The following CELSR1 variants were observed in gnomAD, a reference collection of about 807,000 sequenced individuals.
CELSR1 encodes the protein cadherin EGF LAG seven-pass G-type receptor 1, also known as adhesion G protein-coupled receptor C1.
Under a neutral mutation model 249.1 loss-of-function variants are expected in CELSR1, and 110 were observed. The ratio of observed to expected loss-of-function variants is 0.44; its 90% CI spans 0.38 to 0.52. The LOEUF is 0.52. Ranked by LOEUF, CELSR1 falls within the 20% of genes least tolerant of loss-of-function variation. The probability of loss-of-function intolerance (pLI) is 0.00; values close to 1 mark genes in which losing one functional copy is unlikely to be tolerated. For missense variants in CELSR1, 4,109 were observed against 4,296.4 expected, an observed-to-expected ratio of 0.96 and a Z score of 1.22; for synonymous variants, 2,113 against 1,900.0, an observed-to-expected ratio of 1.11 and a Z score of -2.92.
rs867139423 is a variant in CELSR1 at position 46,404,000 on chromosome 22, A to G, written c.5227-4098T>C. Reference sequence around the variant, plus strand: ...AAAAAAAAAAAAAAAAGAAAAAAAGAAAAAAAAAACTGACTAGATCTGGGC... The same window carrying G: ...AAAAAAAAAAAAAAAAGAAAAAAAGGAAAAAAAAACTGACTAGATCTGGGC... On this transcript the variant is annotated intron_variant, in intron 9 of 34. Coordinates refer to ENST00000674500, the MANE Select transcript of CELSR1 (RefSeq NM_001378328.1). 6.7e-5 allele frequency among the ~76,000 whole-genome samples: 10 copies of G among 148,786 alleles called. No homozygotes were observed. In the South Asian group the frequency reaches 2.2e-3, roughly 33 times the overall value.
rs141507168 is a variant in CELSR1 at position 46,385,117 on chromosome 22, C to T, written c.6740-431G>A. Among the ~76,000 whole-genome samples, 29 of 149,790 alleles carry T rather than the reference C, an allele frequency of 1.9e-4. 1 individual carries two copies. The East Asian group carries it at 5.8e-3, about 30-fold the overall frequency. ...TATTTACTTATATTTATTTTTGAGA[C>T]AGGATCTCACTCTATCACCCAGGCT... On this transcript the variant is annotated intron_variant, in intron 19 of 34. Transcript: ENST00000674500.
intron 1 of CELSR1, among the ~76,000 whole-genome samples, chr22:46,515,574 G>T (rs2080618410): frequency 6.6e-6 from 1 of 152,296 alleles, no homozygotes; most frequent in African/African-American, 2.4e-5. Flanking sequence ...GCACCCCGGG[G>T]GCTGGAGGTG....
rs2079616703 is a variant in CELSR1, at chr22:46,433,247, C to T, written c.4611+146G>A. On this transcript the variant is annotated intron_variant, in intron 5 of 34. Coordinates refer to ENST00000674500, the MANE Select transcript of CELSR1 (RefSeq NM_001378328.1). The surrounding 1 kb of genome is among the most constrained non-coding windows in gnomAD (Gnocchi z 5.7). Reference sequence around the variant, plus strand: ...ACAGGGTTTCGCCACGTTGGCCAAGCTGGTCTCGAGCTCCTGACCTCAGGT... The same window carrying T: ...ACAGGGTTTCGCCACGTTGGCCAAGTTGGTCTCGAGCTCCTGACCTCAGGT... The T allele has an allele frequency of 1.7e-6, 1 of 573,728 alleles. No homozygotes were observed. The highest frequency in any genetic ancestry group is 3.0e-6 in the Non-Finnish European group (1 of 327,918). 35.5% of individuals were successfully genotyped at this position (573,728 alleles called of 1,614,324 possible).
At chr22:46,421,752 C>T (rs1033921052) in intron 5 of CELSR1, among the ~76,000 whole-genome samples, 3 of 152,244 alleles carry the variant, frequency 2.0e-5, no homozygotes, top group Non-Finnish European at 2.9e-5. Context: ...AGGCAGTGGC[C>T]GCCGACTTCA....
Position 46,471,742 on chromosome 22 carries a change from C to T in CELSR1, c.3545-7397G>A, listed in dbSNP as rs1180459679. On this transcript the variant is annotated intron_variant, in intron 1 of 34. Transcript: ENST00000674500. This position sits in a 1 kb window ranked among gnomAD's most constrained non-coding sequence, Gnocchi z 4.9. ...GGAGCCAGTATTGATAGGTTATTAA[C>T]TGAAGCCTGTTCTCTCTGCAGATTT... Among the ~76,000 whole-genome samples, 1 of 152,154 alleles carries T rather than the reference C, an allele frequency of 6.6e-6. No homozygotes were observed. Among genetic ancestry groups the T allele is most frequent in the African/African-American group, 2.4e-5 (1 of 41,448 alleles).
chr22:46,535,856 G>C lies in CELSR1; in HGVS notation c.1315C>G (p.Leu439Val). The part of the protein sequence containing the change: ...ANDQGRNPGP[L>V]SATATVYIEV... Reference sequence around the variant, plus strand: ...ATGTACACGGTGGCCGTGGCACTGAGCGGGCCCGGATTGCGCCCCTGGTCG... The same window carrying C: ...ATGTACACGGTGGCCGTGGCACTGACCGGGCCCGGATTGCGCCCCTGGTCG... The change falls in exon 1 of 35, where the codon CTC becomes GTC. Residue 439 changes from leucine to valine, a missense_variant. Transcript: ENST00000674500. 6.2e-7 allele frequency: 1 copy of C among 1,611,252 alleles called. No homozygotes were observed. The highest frequency in any genetic ancestry group is 8.5e-7 in the Non-Finnish European group (1 of 1,179,898).
Position 46,410,378 on chromosome 22 carries a change from G to A in CELSR1, c.4933+20C>T, listed in dbSNP as rs550043932. 3.9e-5 allele frequency: 62 copies of A among 1,604,770 alleles called. No homozygotes were observed. In the Admixed American group the frequency reaches 9.0e-4, roughly 23 times the overall value. On this transcript the variant is annotated intron_variant, in intron 7 of 34. Coordinates refer to ENST00000674500, the MANE Select transcript of CELSR1 (RefSeq NM_001378328.1). The surrounding 1 kb of genome is among the most constrained non-coding windows in gnomAD (Gnocchi z 6.8). Reference sequence around the variant, plus strand: ...CAGATGCCACTGCGGCAGCTCCGACGCCCTGACGGCCACCCGTACCTTCCC... The same window carrying A: ...CAGATGCCACTGCGGCAGCTCCGACACCCTGACGGCCACCCGTACCTTCCC...
In CELSR1 at chr22:46,436,346, C is replaced by A; in HGVS notation, c.4407-57G>T. 7.3e-7 allele frequency: 1 copy of A among 1,376,484 alleles called. No individual in the cohort carries two copies. Among genetic ancestry groups the A allele is most frequent in the Non-Finnish European group, 1.0e-6 (1 of 971,786 alleles). 85.3% of individuals were successfully genotyped at this position (1,376,484 alleles called of 1,614,324 possible). A position where few individuals can be genotyped will look rare whatever the true frequency, so the allele number is the denominator to read the frequency against. On this transcript the variant is annotated intron_variant, in intron 3 of 34. Transcript: ENST00000674500. This position sits in a 1 kb window ranked among gnomAD's most constrained non-coding sequence, Gnocchi z 5.9. ...TGAAGACCCCAGGGTCCAAAGGCTG[C>A]CTAGGAATGACAAGTCCAGCCGGAG...
intron 2 of CELSR1, among the ~76,000 whole-genome samples, chr22:46,457,637 C>T (rs752390950): frequency 6.6e-6 from 1 of 152,224 alleles, no homozygotes; most frequent in Non-Finnish European, 1.5e-5. Flanking sequence ...CCGCTCACAG[C>T]GCGGACAGAG....
intron 33 of CELSR1, 97 bp from the exon 34 acceptor site, chr22:46,364,348 T>TC (rs1172696662): frequency 2.0e-6 from 3 of 1,537,576 alleles, no homozygotes; most frequent in African/African-American, 1.4e-5. Flanking sequence ...CCCCTGTCCT[T>TC]CCTCCTGGTT....
chr22:46,365,213 TG>T lies in CELSR1; in HGVS notation c.8554+17del. The T allele has an allele frequency of 6.2e-7, 1 of 1,608,416 alleles. No individual in the cohort carries two copies. The highest frequency in any genetic ancestry group is 8.5e-7 in the Non-Finnish European group (1 of 1,178,834). On this transcript the variant is annotated intron_variant, in intron 32 of 34. Coordinates refer to ENST00000674500, the MANE Select transcript of CELSR1 (RefSeq NM_001378328.1). ...CTGTCCACAGCCCAGCCTGGCCCAA[TG>T]TGCCCCACACACTCACCTTTGGGGG...
At position 46,423,949 on chromosome 22, in the gene CELSR1, G is replaced by C. The variant is rs1418084367; in HGVS notation, c.4611+9444C>G. On this transcript the variant is annotated intron_variant, in intron 5 of 34. Coordinates refer to ENST00000674500, the MANE Select transcript of CELSR1 (RefSeq NM_001378328.1). This position sits in a 1 kb window ranked among gnomAD's most constrained non-coding sequence, Gnocchi z 5.6. ...CGAGATTGTGCCAGCCTGGGTGACA[G>C]AGTGAGACTGCATCTCAAAACAAAC... Among the ~76,000 whole-genome samples the C allele has an allele frequency of 6.6e-6, 1 of 152,136 alleles. No individual in the cohort carries two copies. Among genetic ancestry groups the C allele is most frequent in the African/African-American group, 2.4e-5 (1 of 41,424 alleles).
intron 23 of CELSR1, chr22:46,377,481 G>A (rs940357662): frequency 5.3e-5 from 31 of 580,312 alleles, no homozygotes; most frequent in Admixed American, 1.5e-4. Context: ...TGGGGCCTGC[G>A]GCAGCACGCC....
At position 46,408,164 on chromosome 22, in the gene CELSR1, CG is replaced by C. The variant is rs1400379048; in HGVS notation, c.5226+831del. Among the ~76,000 whole-genome samples the C allele has an allele frequency of 5.9e-5, 9 of 152,174 alleles. No individual in the cohort carries two copies. The highest frequency in any genetic ancestry group is 1.9e-4 in the African/African-American group (8 of 41,436). On this transcript the variant is annotated intron_variant, in intron 9 of 34. Coordinates refer to ENST00000674500, the MANE Select transcript of CELSR1 (RefSeq NM_001378328.1). The surrounding 1 kb of genome is among the most constrained non-coding windows in gnomAD (Gnocchi z 4.6). The stretch of plus-strand genomic sequence containing the variant: ...TTCGAATCACCTTCTAAAAGCTGTT[CG>C]GAATTTTTATCCAACAAATAAACTT...
At chr22:46,453,505 C>T (rs796435663) in intron 2 of CELSR1, among the ~76,000 whole-genome samples, 21 of 152,340 alleles carry the variant, frequency 1.4e-4, no homozygotes, top group African/African-American at 4.8e-4. Context: ...CTATGTCCAG[C>T]CAGCTTCATC....
In CELSR1 at chr22:46,472,006, C is replaced by T. The variant is rs1016297595; in HGVS notation, c.3545-7661G>A. ...GGGGTCTGCTTGATTCCGGGAGGCACGGCACCCACCCAGCACTCTCTCTGC... is the reference window on the plus strand; with the variant it reads ...GGGGTCTGCTTGATTCCGGGAGGCATGGCACCCACCCAGCACTCTCTCTGC... On this transcript the variant is annotated intron_variant, in intron 1 of 34. Coordinates refer to ENST00000674500, the MANE Select transcript of CELSR1 (RefSeq NM_001378328.1). The surrounding 1 kb of genome is among the most constrained non-coding windows in gnomAD (Gnocchi z 7.0). 2.6e-5 allele frequency among the ~76,000 whole-genome samples: 4 copies of T among 152,138 alleles called. No individual in the cohort carries two copies. Among genetic ancestry groups the T allele is most frequent in the South Asian group, 2.1e-4 (1 of 4,834 alleles).
At chr22:46,422,384 A>C (rs2079484577) in intron 5 of CELSR1, among the ~76,000 whole-genome samples, 1 of 151,946 alleles carries the variant, frequency 6.6e-6, no homozygotes, top group Admixed American at 6.5e-5. Context: ...CTAGGATTAC[A>C]GGCGTGAGCC....
In CELSR1 at chr22:46,500,438, G is replaced by A. The variant is rs2080455498; in HGVS notation, c.3544+33189C>T. On this transcript the variant is annotated intron_variant, in intron 1 of 34. Coordinates refer to ENST00000674500, the MANE Select transcript of CELSR1 (RefSeq NM_001378328.1). This position sits in a 1 kb window ranked among gnomAD's most constrained non-coding sequence, Gnocchi z 4.9. The stretch of plus-strand genomic sequence containing the variant: ...TGGCAGTCGGTGCAGGAGGGCGAAC[G>A]GTTGATGGGCAACCATGGGGACAAT... Among the ~76,000 whole-genome samples the A allele has an allele frequency of 6.6e-6, 1 of 152,174 alleles. No homozygotes were observed. The highest frequency in any genetic ancestry group is 2.4e-5 in the African/African-American group (1 of 41,438).
Position 46,394,222 on chromosome 22 carries a change from C to T in CELSR1, c.5884G>A (p.Val1962Ile), listed in dbSNP as rs773783722. ...ACGGCACAGTGGCAGGGTCCACAGA[C>T]GGGGTTCCCCCACCAGCCTCTGGGG... is the stretch of plus-strand genomic sequence containing the variant. ...PCPRGWWGNP[V>I]CGPCHCAVSK... The change falls in exon 14 of 35, where the codon GTC (valine) becomes ATC (isoleucine). Residue 1962 changes from valine (V) to isoleucine (I), a missense_variant. Coordinates refer to ENST00000674500, the MANE Select transcript of CELSR1 (RefSeq NM_001378328.1). 2.0e-5 allele frequency: 32 copies of T among 1,613,598 alleles called. No individual in the cohort carries two copies. Among genetic ancestry groups the T allele is most frequent in the African/African-American group, 2.7e-5 (2 of 74,918 alleles).
Sources: allele counts gnomAD v4.1 joint callset (sites outside exome capture counted in the v4.1 genomes callset), GRCh38; gene constraint gnomAD v4.1.1; non-coding constraint Gnocchi (gnomAD v3.1); transcripts MANE v1.5; gene names NCBI Gene and HGNC (gene_info 2026-07-23, HGNC 2026-07-21).